The following LHFPL4 variants were observed in gnomAD, a reference collection of about 807,000 sequenced individuals.
LHFPL4 encodes the protein LHFPL tetraspan subfamily member 4.
Under a neutral mutation model 20.0 loss-of-function variants are expected in LHFPL4, and 6 were observed. The observed-to-expected ratio is 0.30, with a 90% confidence interval of 0.16 to 0.59. LHFPL4 has a LOEUF of 0.59. LHFPL4 is among the 20% of genes least tolerant of loss of function. The probability of loss-of-function intolerance (pLI) is 0.88; values close to 1 mark genes in which losing one functional copy is unlikely to be tolerated. For synonymous variants in LHFPL4, 129 were observed against 143.8 expected (o/e 0.90, Z 0.74); for missense variants, 215 against 331.2 (o/e 0.65, Z 2.72).
At chr3:9,532,765 G>A (rs1459249209) in intron 2 of LHFPL4, among the ~76,000 whole-genome samples, 1 of 152,178 alleles carries the variant, frequency 6.6e-6, no homozygotes, top group African/African-American at 2.4e-5. Context: ...AGGGGATCAG[G>A]CTGGGTGTGC....
At chr3:9,515,213 C>T (rs1336627037) in intron 2 of LHFPL4, among the ~76,000 whole-genome samples, 1 of 152,198 alleles carries the variant, frequency 6.6e-6, no homozygotes, top group Non-Finnish European at 1.5e-5. Flanking sequence ...GTAGTGCTAT[C>T]TCATTGTTGT....
intron 2 of LHFPL4, among the ~76,000 whole-genome samples, chr3:9,540,431 G>A (rs2046469974): frequency 6.6e-6 from 1 of 152,206 alleles, no homozygotes; most frequent in Non-Finnish European, 1.5e-5. Flanking sequence ...ATGTGGGCTG[G>A]ATTTAGGAAC....
chr3:9,521,343 G>A (rs1317312691), intron 2 of LHFPL4, among the ~76,000 whole-genome samples: 5 of 149,866 alleles, frequency 3.3e-5, no homozygotes, highest in African/African-American at 1.2e-4. Context: ...TCCCACTTCA[G>A]CCTCCTGAGT....
chr3:9,502,450 C>T, intron 3 of LHFPL4, 139 bp from the exon 4 acceptor site: 2 of 669,992 alleles, frequency 3.0e-6, no homozygotes, highest in South Asian at 3.4e-5. Flanking sequence ...GCCTGTAATC[C>T]CAGCACTTTG....
intron 2 of LHFPL4, among the ~76,000 whole-genome samples, chr3:9,517,578 C>T (rs988327417): frequency 6.6e-6 from 1 of 150,968 alleles, no homozygotes; most frequent in Non-Finnish European, 1.5e-5. Flanking sequence ...GTGGCATGTT[C>T]CCAGCTACTC....
intron 2 of LHFPL4, among the ~76,000 whole-genome samples, chr3:9,527,929 C>T (rs1318249625): frequency 6.6e-6 from 1 of 151,718 alleles, no homozygotes; most frequent in Non-Finnish European, 1.5e-5. Flanking sequence ...GCAAGTCACA[C>T]AAATTATTTG....
At chr3:9,509,382 C>T (rs185649140) in intron 2 of LHFPL4, among the ~76,000 whole-genome samples, 38 of 152,108 alleles carry the variant, frequency 2.5e-4, no homozygotes, top group Non-Finnish European at 4.9e-4. Context: ...TTTCTTTTCT[C>T]GCTTCTCTAT....
At chr3:9,503,586 C>A (rs1036110181) in intron 3 of LHFPL4, among the ~76,000 whole-genome samples, 1 of 152,220 alleles carries the variant, frequency 6.6e-6, no homozygotes, top group Non-Finnish European at 1.5e-5. Flanking sequence ...GGACTTGGAC[C>A]TGGGTTCAGA....
chr3:9,550,086 T>A (rs2046543089), intron 2 of LHFPL4, among the ~76,000 whole-genome samples: 1 of 152,042 alleles, frequency 6.6e-6, no homozygotes, highest in Non-Finnish European at 1.5e-5. Flanking sequence ...ATTGTACAAA[T>A]GGGAAATTGA....
chr3:9,503,711 A>G (rs2046195149), intron 3 of LHFPL4, among the ~76,000 whole-genome samples: 1 of 152,228 alleles, frequency 6.6e-6, no homozygotes, highest in Non-Finnish European at 1.5e-5. Context: ...ATGAAAGTTT[A>G]TATGCAATAC....
At chr3:9,519,210 A>G (rs2046322971) in intron 2 of LHFPL4, among the ~76,000 whole-genome samples, 1 of 152,110 alleles carries the variant, frequency 6.6e-6, no homozygotes, top group African/African-American at 2.4e-5. Flanking sequence ...AAGTGCTGGG[A>G]TTACAGGCAT....
chr3:9,529,312 C>G (rs1432903784), intron 2 of LHFPL4, among the ~76,000 whole-genome samples: 1 of 152,190 alleles, frequency 6.6e-6, no homozygotes, highest in African/African-American at 2.4e-5. Context: ...CAGATGCGAG[C>G]CACCGCGCCC....
chr3:9,544,975 T>G (rs778029767), intron 2 of LHFPL4, among the ~76,000 whole-genome samples: 8 of 152,158 alleles, frequency 5.3e-5, no homozygotes, highest in Non-Finnish European at 1.0e-4. Context: ...CTGTTTTTGT[T>G]CCTGCCTCTC....
chr3:9,511,459 G>GT (rs1392025981), intron 2 of LHFPL4, among the ~76,000 whole-genome samples: 1 of 152,126 alleles, frequency 6.6e-6, no homozygotes, highest in Non-Finnish European at 1.5e-5. Flanking sequence ...CACATAGCTT[G>GT]TAAGTGGGGG....
At chr3:9,534,507 G>C (rs991135004) in intron 2 of LHFPL4, among the ~76,000 whole-genome samples, 1 of 152,120 alleles carries the variant, frequency 6.6e-6, no homozygotes, top group Non-Finnish European at 1.5e-5. Flanking sequence ...ATATTTTCTT[G>C]CAGGTACATA....
intron 3 of LHFPL4, among the ~76,000 whole-genome samples, chr3:9,503,166 G>A (rs1306229794): frequency 1.3e-5 from 2 of 152,038 alleles, no homozygotes; most frequent in Admixed American, 1.3e-4. Flanking sequence ...TGAAGTGGGA[G>A]GCTCACTCAT....
chr3:9,540,670 A>G (rs1193498767), intron 2 of LHFPL4, among the ~76,000 whole-genome samples: 1 of 151,944 alleles, frequency 6.6e-6, no homozygotes, highest in African/African-American at 2.4e-5. Flanking sequence ...AAGAGGGAGG[A>G]CTGCTTGAGC....
At chr3:9,546,912 A>C (rs1188985226) in intron 2 of LHFPL4, among the ~76,000 whole-genome samples, 1 of 152,222 alleles carries the variant, frequency 6.6e-6, no homozygotes, top group Non-Finnish European at 1.5e-5. Flanking sequence ...ACTGAGATTC[A>C]GAGAGGCAAA....
chr3:9,501,141 G>A lies in LHFPL4; in HGVS notation c.*1070C>T, dbSNP rs912838810. The A allele has an allele frequency of 1.3e-5, 2 of 152,932 alleles. No individual in the cohort carries two copies. The highest frequency in any genetic ancestry group is 4.8e-5 in the African/African-American group (2 of 41,448). 9.5% of individuals were successfully genotyped at this position (152,932 alleles called of 1,614,324 possible). A position where few individuals can be genotyped will look rare whatever the true frequency, so the allele number is the denominator to read the frequency against. The stretch of plus-strand genomic sequence containing the variant: ...TTAGGAAGGGGGACAGGGGTACCCT[G>A]TTCAGAGATGACCTGCAAGTTCAAG... On this transcript the variant is annotated 3_prime_UTR_variant, in exon 4 of 4. Coordinates refer to ENST00000287585, the MANE Select transcript of LHFPL4 (RefSeq NM_198560.3).
Sources: allele counts gnomAD v4.1 joint callset (sites outside exome capture counted in the v4.1 genomes callset), GRCh38; gene constraint gnomAD v4.1.1; transcripts MANE v1.5; gene names NCBI Gene and HGNC (gene_info 2026-07-23, HGNC 2026-07-21).